Variants in SLC7A9 observed in about 807,000 individuals in gnomAD.
The protein encoded by SLC7A9 is B(0,+)-type amino acid transporter 1.
A neutral mutation model predicts 54.1 loss-of-function variants in SLC7A9; 38 were observed. That is an observed-to-expected ratio of 0.70 (90% CI 0.54 to 0.92). SLC7A9 has a LOEUF of 0.92. Ranked by LOEUF, SLC7A9 falls within the 40% of genes least tolerant of loss-of-function variation. SLC7A9 has a pLI of 0.00. For missense variants in SLC7A9, 537 were observed against 636.1 expected (o/e 0.84, Z 1.68); for synonymous variants, 264 against 258.9 (o/e 1.02, Z -0.19).
intron 9 of SLC7A9, among the ~76,000 whole-genome samples, chr19:32,851,266 A>G (rs1968458411): frequency 6.6e-6 from 1 of 151,804 alleles, no homozygotes; most frequent in Admixed American, 6.6e-5. Context: ...AATTTTCGCA[A>G]CCTACTCATC....
At chr19:32,868,845 C>T (rs1048558999) in intron 1 of SLC7A9, among the ~76,000 whole-genome samples, 200 bp from the exon 2 acceptor site, 4 of 152,112 alleles carry the variant, frequency 2.6e-5, no homozygotes, top group African/African-American at 4.8e-5. Flanking sequence ...GGCCCACGTG[C>T]CTGTGCCTTG....
At chr19:32,842,468 C>A in intron 10 of SLC7A9, 151 bp from the exon 11 acceptor site, 1 of 736,742 alleles carries the variant, frequency 1.4e-6, no homozygotes, top group South Asian at 1.6e-5. Context: ...TTAAACCTGA[C>A]TTTGGCTATG....
At position 32,845,402 on chromosome 19, in the gene SLC7A9, G is replaced by T. The variant is rs531785103; in HGVS notation, c.978-1451C>A. Among the ~76,000 whole-genome samples, 3 of 152,154 alleles carry T rather than the reference G, an allele frequency of 2.0e-5. No homozygotes were observed. The South Asian group carries it at 6.2e-4, about 32-fold the overall frequency. On this transcript the variant is annotated intron_variant, in intron 9 of 12. Coordinates refer to ENST00000023064, the MANE Select transcript of SLC7A9 (RefSeq NM_014270.5). The stretch of plus-strand genomic sequence containing the variant: ...CTCAGCTGAGGCTGAGGCTGAGGCA[G>T]GAGAATCACTTGAACCTGGGAAGCG...
chr19:32,862,002 C>CA, intron 6 of SLC7A9, 116 bp downstream of exon 6: 1 of 782,624 alleles, frequency 1.3e-6, no homozygotes, highest in Non-Finnish European at 2.3e-6. Flanking sequence ...GGGTGAATGT[C>CA]AGAGTCACAC....
chr19:32,843,713 C>T, intron 10 of SLC7A9, 142 bp downstream of exon 10: 4 of 687,222 alleles, frequency 5.8e-6, no homozygotes, highest in Non-Finnish European at 1.1e-5. Context: ...TATGTTGTTT[C>T]ACTTGTCCTG....
intron 9 of SLC7A9, among the ~76,000 whole-genome samples, chr19:32,852,026 T>TG (rs1361131127): frequency 7.2e-6 from 1 of 139,666 alleles, no homozygotes; most frequent in African/African-American, 2.8e-5. Context: ...TGTTGTGGGG[T>TG]GGGGGGAGCG....
At position 32,830,573 on chromosome 19, in the gene SLC7A9, C is replaced by T; in HGVS notation, c.*47G>A. 1 of 1,413,732 alleles carries T rather than the reference C, an allele frequency of 7.1e-7. No individual in the cohort carries two copies. Among genetic ancestry groups the T allele is most frequent in the Non-Finnish European group, 1.0e-6 (1 of 997,660 alleles). 87.6% of individuals were successfully genotyped at this position (1,413,732 alleles called of 1,614,324 possible). A position where few individuals can be genotyped will look rare whatever the true frequency, so the allele number is the denominator to read the frequency against. ...AAGGAAGAAATAACCACAAATATTGCTTAAGAAAATAAATTCAGCTGACTT... is the reference window on the plus strand; with the variant it reads ...AAGGAAGAAATAACCACAAATATTGTTTAAGAAAATAAATTCAGCTGACTT... On this transcript the variant is annotated 3_prime_UTR_variant, in exon 13 of 13. Transcript: ENST00000023064.
At chr19:32,862,661 ATTT>A in intron 4 of SLC7A9, 75 bp from the exon 5 acceptor site, 3 of 1,283,332 alleles carry the variant, frequency 2.3e-6, no homozygotes, top group Non-Finnish European at 2.0e-6. Context: ...TCTTTTATAT[ATTT>A]TTTATTTTTT....
chr19:32,862,303 AC>A, intron 5 of SLC7A9, 86 bp from the exon 6 acceptor site: 1 of 1,436,442 alleles, frequency 7.0e-7, no homozygotes, highest in Non-Finnish European at 9.8e-7. Context: ...CATGATTGTG[AC>A]CCCAGCTTAA....
At chr19:32,855,009 TACA>T (rs1405285354) in intron 9 of SLC7A9, among the ~76,000 whole-genome samples, 2 of 152,182 alleles carry the variant, frequency 1.3e-5, no homozygotes, top group African/African-American at 4.8e-5. Context: ...CCATGTTCAT[TACA>T]ACGTTATTCA....
intron 9 of SLC7A9, among the ~76,000 whole-genome samples, chr19:32,852,802 C>T (rs1043545863): frequency 1.3e-5 from 2 of 151,758 alleles, no homozygotes; most frequent in East Asian, 1.9e-4. Context: ...CTTTTGGAAC[C>T]GGACAAAATA....
chr19:32,854,253 A>G (rs1425571829), intron 9 of SLC7A9, among the ~76,000 whole-genome samples: 2 of 152,046 alleles, frequency 1.3e-5, no homozygotes, highest in Non-Finnish European at 2.9e-5. Flanking sequence ...GGGCTCAAGC[A>G]GTCCTCCCCC....
chr19:32,831,346 G>C (rs1967783308), intron 12 of SLC7A9: 1 of 152,622 alleles, frequency 6.6e-6, no homozygotes, highest in Admixed American at 6.5e-5. Context: ...GAGTGCAGTG[G>C]GGGGATCTTG....
At chr19:32,830,711 A>T in intron 12 of SLC7A9, 27 bp from the exon 13 acceptor site, 1 of 1,587,934 alleles carries the variant, frequency 6.3e-7, no homozygotes, top group Non-Finnish European at 8.6e-7. Flanking sequence ...AAATGAGTAC[A>T]GTTAGTTAGA....
intron 8 of SLC7A9, among the ~76,000 whole-genome samples, 161 bp downstream of exon 8, chr19:32,859,680 C>T (rs549895262): frequency 6.6e-6 from 1 of 152,152 alleles, no homozygotes; most frequent in Admixed American, 6.5e-5. Context: ...CTGGCTAGCC[C>T]GGCCCTGCCT....
At chr19:32,833,595 C>G (rs945831621) in intron 11 of SLC7A9, among the ~76,000 whole-genome samples, 1 of 152,036 alleles carries the variant, frequency 6.6e-6, no homozygotes, top group Non-Finnish European at 1.5e-5. Context: ...GTCAGGAGCT[C>G]AAGACCAGCC....
chr19:32,858,254 G>A (rs1443822888), intron 9 of SLC7A9, among the ~76,000 whole-genome samples, 186 bp downstream of exon 9: 1 of 152,160 alleles, frequency 6.6e-6, no homozygotes, highest in Admixed American at 6.5e-5. Flanking sequence ...GCCCATCCAT[G>A]CCTTCCTGGC....
At chr19:32,862,282 G>T (rs1968822242) in intron 5 of SLC7A9, 65 bp from the exon 6 acceptor site, 2 of 1,452,772 alleles carry the variant, frequency 1.4e-6, no homozygotes, top group Non-Finnish European at 1.9e-6. Flanking sequence ...TATCTCCACG[G>T]GAAAGATGGG....
In SLC7A9 at chr19:32,864,776, G is replaced by A; in HGVS notation, c.88C>T (p.Leu30=). 6.2e-7 allele frequency: 1 copy of A among 1,614,154 alleles called. No individual in the cohort carries two copies. The highest frequency in any genetic ancestry group is 1.7e-5 in the Admixed American group (1 of 60,026). The change falls in exon 3 of 13, where the codon CTG becomes TTG. Residue 30 remains leucine, a splice_region_variant and synonymous_variant. Coordinates refer to ENST00000023064, the MANE Select transcript of SLC7A9 (RefSeq NM_014270.5). ...EPKTTSLQKE[L]GLISGISIIV... ...ATGGAGATGCCACTGATGAGGCCCA[G>A]CTGGGTGTGGAGGAAGGAAGAGGGC...
Sources: allele counts gnomAD v4.1 joint callset (sites outside exome capture counted in the v4.1 genomes callset), GRCh38; gene constraint gnomAD v4.1.1; transcripts MANE v1.5; gene names NCBI Gene and HGNC (gene_info 2026-07-23, HGNC 2026-07-21).